MICAL3: variants seen among roughly 807,000 people sequenced by gnomAD.
The protein encoded by MICAL3 is [F-actin]-monooxygenase MICAL3.
A neutral mutation model predicts 207.4 loss-of-function variants in MICAL3; 62 were observed. The observed-to-expected ratio is 0.30, with a 90% CI of 0.24 to 0.37. The LOEUF is 0.37. Among genes scored for constraint, MICAL3 ranks in the 10% least tolerant of loss-of-function variants. The pLI, the probability that MICAL3 is intolerant of heterozygous loss-of-function variation, is 1.00. For synonymous variants in MICAL3, 1,077 were observed against 1,069.3 expected (o/e 1.01, Z -0.14); for missense variants, 2,368 against 2,635.6 (o/e 0.90, Z 2.22).
intron 1 of MICAL3, among the ~76,000 whole-genome samples, chr22:17,949,480 G>A (rs1387856208): frequency 6.6e-6 from 1 of 152,122 alleles, no homozygotes; most frequent in African/African-American, 2.4e-5. Context: ...CTTTGCTAAG[G>A]GTGGGCTGCT....
chr22:17,963,912 CG>C (rs1263267225), intron 1 of MICAL3, among the ~76,000 whole-genome samples: 1 of 152,198 alleles, frequency 6.6e-6, no homozygotes, highest in African/African-American at 2.4e-5. Context: ...ATTTTAAGGA[CG>C]TGGTCCCTAC....
intron 16 of MICAL3, chr22:17,876,756 AAGGAGG>A (rs1569108921): frequency 4.1e-5 from 6 of 147,952 alleles, no homozygotes; most frequent in African/African-American, 1.3e-4. Flanking sequence ...TAGGGAGGTT[AAGGAGG>A]TTAGGGAAGT....
chr22:17,872,154 T>C lies in MICAL3; in HGVS notation c.2242-131A>G, dbSNP rs1051451420. On this transcript the variant is annotated intron_variant, in intron 16 of 31. Coordinates refer to ENST00000441493, the MANE Select transcript of MICAL3 (RefSeq NM_015241.3). ...GTCTGCTTTGAGACAGACTTCTAAC[T>C]GGCTACGGTCAACTGTGCTCTTGGC... The C allele has an allele frequency of 1.8e-5, 13 of 736,236 alleles. No homozygotes were observed. In the African/African-American group the frequency reaches 2.1e-4, roughly 12 times the overall value. 45.6% of individuals were successfully genotyped at this position (736,236 alleles called of 1,614,324 possible). A position where few individuals can be genotyped will look rare whatever the true frequency, so the allele number is the denominator to read the frequency against.
chr22:17,840,719 A>G (rs1386633210), intron 20 of MICAL3: 1 of 152,234 alleles, frequency 6.6e-6, no homozygotes, highest in Admixed American at 6.5e-5. Context: ...GTCAGTGGAG[A>G]GAGAGAGTGG....
rs1293226922 is a variant in MICAL3, at chr22:17,868,806, A to C, written c.2429-2794T>G. ...GCCCGAGTGCCACTGTATGACAGCT[A>C]CCAATCTGAACACCGAGAGCCCCCA... is the stretch of plus-strand genomic sequence containing the variant. On this transcript the variant is annotated intron_variant, in intron 17 of 31. Transcript: ENST00000441493. Among the ~76,000 whole-genome samples the C allele has an allele frequency of 2.0e-5, 3 of 151,970 alleles. No homozygotes were observed. In the East Asian group the frequency reaches 5.8e-4, roughly 29 times the overall value.
intron 1 of MICAL3, among the ~76,000 whole-genome samples, chr22:18,023,829 T>C (rs1356176945): frequency 6.6e-6 from 1 of 152,236 alleles, no homozygotes; most frequent in Non-Finnish European, 1.5e-5. Context: ...CTGCTCCTAA[T>C]GAGCTCATGG....
chr22:17,915,244 C>T (rs1233286848), intron 1 of MICAL3, among the ~76,000 whole-genome samples: 1 of 152,230 alleles, frequency 6.6e-6, no homozygotes, highest in African/African-American at 2.4e-5. Flanking sequence ...CTGCTTAGCA[C>T]CATGTACTCA....
chr22:17,985,606 C>A (rs1169149802), intron 1 of MICAL3, among the ~76,000 whole-genome samples: 1 of 152,110 alleles, frequency 6.6e-6, no homozygotes, highest in Non-Finnish European at 1.5e-5. Context: ...TCAAAGCATG[C>A]CTGCCCAATT....
intron 1 of MICAL3, among the ~76,000 whole-genome samples, chr22:17,996,206 G>A (rs1199872113): frequency 2.0e-5 from 3 of 151,052 alleles, no homozygotes; most frequent in Admixed American, 6.6e-5. Flanking sequence ...TTGGGAGGCC[G>A]AGGCCAGTGG....
intron 1 of MICAL3, among the ~76,000 whole-genome samples, chr22:17,912,368 T>TAAA (rs113708314): frequency 7.1e-6 from 1 of 140,654 alleles, no homozygotes; most frequent in Non-Finnish European, 1.6e-5. Flanking sequence ...TCTATTTCTG[T>TAAA]AAAAAAAAAA....
chr22:17,924,833 T>C (rs1932879243), intron 1 of MICAL3, among the ~76,000 whole-genome samples: 2 of 152,184 alleles, frequency 1.3e-5, no homozygotes, highest in South Asian at 4.1e-4. Flanking sequence ...GATGACATAG[T>C]AACATGCCCA....
chr22:17,973,931 A>T (rs138328405), intron 1 of MICAL3, among the ~76,000 whole-genome samples: 16 of 152,280 alleles, frequency 1.1e-4, no homozygotes, highest in African/African-American at 3.4e-4. Flanking sequence ...GATTAAATTT[A>T]AAAATGTTTA....
Position 17,841,595 on chromosome 22 carries a change from T to C in MICAL3, c.2801+227A>G. ...GACTTGGAGCTGGGGACATGTCAGGTCCTCAAGGAATAAATACTTCCTGAA... is the reference window on the plus strand; with the variant it reads ...GACTTGGAGCTGGGGACATGTCAGGCCCTCAAGGAATAAATACTTCCTGAA... On this transcript the variant is annotated intron_variant, in intron 20 of 31. Coordinates refer to ENST00000441493, the MANE Select transcript of MICAL3 (RefSeq NM_015241.3). This position sits in a 1 kb window ranked among gnomAD's most constrained non-coding sequence, Gnocchi z 4.2. The C allele has an allele frequency of 1.7e-6, 1 of 586,738 alleles. No homozygotes were observed. The highest frequency in any genetic ancestry group is 3.0e-6 in the Non-Finnish European group (1 of 328,926). 36.3% of individuals were successfully genotyped at this position (586,738 alleles called of 1,614,324 possible).
chr22:17,919,679 A>C (rs1167234306), intron 1 of MICAL3, among the ~76,000 whole-genome samples: 1 of 152,124 alleles, frequency 6.6e-6, no homozygotes, highest in African/African-American at 2.4e-5. Context: ...CCAGCGGGGG[A>C]GGTGCTCCCC....
At chr22:17,832,437 G>A (rs1922903202) in intron 20 of MICAL3, among the ~76,000 whole-genome samples, 1 of 152,190 alleles carries the variant, frequency 6.6e-6, no homozygotes, top group Non-Finnish European at 1.5e-5. Context: ...AGGGGAGTGT[G>A]CAGAACTGGG....
intron 1 of MICAL3, among the ~76,000 whole-genome samples, chr22:17,986,940 C>T (rs1413442611): frequency 6.6e-6 from 1 of 152,042 alleles, no homozygotes; most frequent in Admixed American, 6.6e-5. Context: ...AAAAATCCAT[C>T]CTGGAAGAAT....
chr22:17,855,096 C>T (rs1925754691), intron 19 of MICAL3, among the ~76,000 whole-genome samples: 1 of 152,218 alleles, frequency 6.6e-6, no homozygotes, highest in Non-Finnish European at 1.5e-5. Flanking sequence ...AGGAGGCTTC[C>T]TGAAAACCTC....
chr22:17,876,811 G>GGGAGGTTAT (rs1569109104), intron 16 of MICAL3: 3 of 40,628 alleles, frequency 7.4e-5, no homozygotes, highest in South Asian at 6.5e-4. Flanking sequence ...ATGGAGGTTA[G>GGGAGGTTAT]GGAGGTTAGG....
rs374730406 is a variant in MICAL3, at chr22:17,906,761, G to A, written c.52C>T (p.Arg18Trp). ...TMNPAHVLFDRFVQATTCKGT... is the reference protein window; with the variant it reads ...TMNPAHVLFDWFVQATTCKGT... ...TTGCAGGTGGTGGCCTGGACAAACC[G>A]GTCAAAGAGGACATGAGCTGGGTTC... Residue 18 changes from arginine (R) to tryptophan (W), a missense_variant, in exon 2 of 32, where the codon CGG becomes TGG. Arg to Trp is a moderately radical substitution (Grantham distance 101). This residue lies in a region of MICAL3 where 400 missense variants were observed against 547.0 expected (regional missense o/e 0.73). Transcript: ENST00000441493. 89 of 1,613,608 alleles carry A rather than the reference G, an allele frequency of 5.5e-5. No individual in the cohort carries two copies. The highest frequency in any genetic ancestry group is 6.1e-5 in the Non-Finnish European group (72 of 1,179,698).
Sources: allele counts gnomAD v4.1 joint callset (sites outside exome capture counted in the v4.1 genomes callset), GRCh38; gene constraint gnomAD v4.1.1; regional missense constraint gnomAD v4.1.1; non-coding constraint Gnocchi (gnomAD v3.1); transcripts MANE v1.5; gene names NCBI Gene and HGNC (gene_info 2026-07-23, HGNC 2026-07-21).